The following CNOT9 variants were observed in gnomAD, a reference collection of about 807,000 sequenced individuals.
The protein encoded by CNOT9 is RCD1 required for cell differentiation1 homolog.
A neutral mutation model predicts 37.4 loss-of-function variants in CNOT9; 8 were observed. The ratio of observed to expected loss-of-function variants is 0.21; its 90% CI spans 0.13 to 0.39. The LOEUF (loss-of-function observed/expected upper bound fraction) is 0.39, where lower values mean the gene tolerates loss of function less well. Ranked by LOEUF, CNOT9 falls within the 10% of genes least tolerant of loss-of-function variation. The probability of loss-of-function intolerance (pLI) is 1.00; values close to 1 mark genes in which losing one functional copy is unlikely to be tolerated. For missense variants in CNOT9, 154 were observed against 365.3 expected (o/e 0.42, Z 4.71); for synonymous variants, 120 against 137.6 (o/e 0.87, Z 0.90).
chr2:218,574,944 C>T (rs993929434), intron 1 of CNOT9, among the ~76,000 whole-genome samples: 8 of 151,862 alleles, frequency 5.3e-5, no homozygotes, highest in African/African-American at 1.5e-4. Context: ...GCAAATTATA[C>T]GTCAAAGTTT....
chr2:218,592,922 T>C lies in CNOT9; in HGVS notation c.731+215T>C, dbSNP rs553919822. The C allele has an allele frequency of 1.8e-6, 1 of 561,292 alleles. No homozygotes were observed. The highest frequency in any genetic ancestry group is 1.9e-5 in the African/African-American group (1 of 53,072). The allele number at this position is 561,292 out of a possible 1,614,324, so 34.8% of individuals were successfully genotyped here. A position where few individuals can be genotyped will look rare whatever the true frequency, so the allele number is the denominator to read the frequency against. ...TTCTCACTGTAACTCTCCATCCTAC[T>C]GTGAAATTCCAGAGAGTCTAGGCGA... is the stretch of plus-strand genomic sequence containing the variant. On this transcript the variant is annotated intron_variant, in intron 7 of 7. Transcript: ENST00000273064. The surrounding 1 kb of genome is among the most constrained non-coding windows in gnomAD (Gnocchi z 4.1).
intron 2 of CNOT9, 93 bp downstream of exon 2, chr2:218,580,833 G>A: frequency 8.3e-7 from 1 of 1,201,628 alleles, no homozygotes; most frequent in Non-Finnish European, 1.2e-6. Flanking sequence ...ACTTTAGGAG[G>A]ATGATTCTTT....
chr2:218,569,144 G>A (rs889887883), intron 1 of CNOT9, among the ~76,000 whole-genome samples, 166 bp downstream of exon 1: 10 of 152,178 alleles, frequency 6.6e-5, no homozygotes, highest in African/African-American at 2.2e-4. Flanking sequence ...TGGTGGAGCC[G>A]GCCCCTATTT....
In CNOT9 at chr2:218,592,751, C is replaced by A; in HGVS notation, c.731+44C>A. ...TATAGGACTTTAGGGAAATACTCTG[C>A]TGAACAGTTTCCTAATCTCATGGCA... is the stretch of plus-strand genomic sequence containing the variant. On this transcript the variant is annotated intron_variant, in intron 7 of 7. Transcript: ENST00000273064. The surrounding 1 kb of genome is among the most constrained non-coding windows in gnomAD (Gnocchi z 4.1). The A allele has an allele frequency of 6.7e-7, 1 of 1,487,130 alleles. No homozygotes were observed. The highest frequency in any genetic ancestry group is 9.4e-7 in the Non-Finnish European group (1 of 1,064,448). The allele number at this position is 1,487,130 out of a possible 1,614,324, so 92.1% of individuals were successfully genotyped here. A position where few individuals can be genotyped will look rare whatever the true frequency, so the allele number is the denominator to read the frequency against.
chr2:218,572,593 C>T (rs1377074464), intron 1 of CNOT9: 4 of 707,550 alleles, frequency 5.7e-6, no homozygotes, highest in East Asian at 1.3e-4. Context: ...ATCATGCTAC[C>T]GCACTTCAGC....
At chr2:218,577,043 A>G (rs1694193258) in intron 1 of CNOT9, among the ~76,000 whole-genome samples, 3 of 152,060 alleles carry the variant, frequency 2.0e-5, no homozygotes, top group Non-Finnish European at 4.4e-5. Flanking sequence ...CAAAGCGGTT[A>G]AAAGTGTGGG....
At chr2:218,573,818 T>C (rs535045127) in intron 1 of CNOT9, 18 of 262,982 alleles carry the variant, frequency 6.8e-5, no homozygotes, top group South Asian at 5.8e-4. Context: ...TATGTTAAGC[T>C]TTCTTGGGGA....
rs485698 is a variant in CNOT9, at chr2:218,585,646, T to A, written c.430+925T>A. Among the ~76,000 whole-genome samples the A allele has an allele frequency of 1.4e-3, 206 of 147,780 alleles. 4 individuals carry two copies. The East Asian group carries it at 0.037, about 27-fold the overall frequency. Reference sequence around the variant, plus strand: ...AATTTATTTTTTATTTTATTTTTTTTTTTTTTTTTTGAGACAAGGTCTTGC... The same window carrying A: ...AATTTATTTTTTATTTTATTTTTTTATTTTTTTTTTGAGACAAGGTCTTGC... On this transcript the variant is annotated intron_variant, in intron 4 of 7. Transcript: ENST00000273064.
chr2:218,583,978 A>G (rs1010166035), intron 3 of CNOT9, among the ~76,000 whole-genome samples: 14 of 152,240 alleles, frequency 9.2e-5, no homozygotes, highest in African/African-American at 3.4e-4. Context: ...ATAGCAGGTA[A>G]GCCTGATAAT....
chr2:218,579,797 CATTT>C (rs202121171), intron 1 of CNOT9, among the ~76,000 whole-genome samples: 29 of 150,634 alleles, frequency 1.9e-4, no homozygotes, highest in East Asian at 7.9e-4. Context: ...CAGTTTTCTG[CATTT>C]ATTTATTTAT....
intron 1 of CNOT9, among the ~76,000 whole-genome samples, chr2:218,580,165 C>T (rs933582632): frequency 3.8e-4 from 58 of 152,096 alleles, no homozygotes; most frequent in African/African-American, 1.3e-3. Context: ...GACGGGGTTT[C>T]GCCATGTTGG....
At chr2:218,579,445 C>T (rs1694288606) in intron 1 of CNOT9, among the ~76,000 whole-genome samples, 1 of 152,090 alleles carries the variant, frequency 6.6e-6, no homozygotes, top group Admixed American at 6.5e-5. Flanking sequence ...TAAAGCTGCA[C>T]CAATATTTAA....
chr2:218,580,331 T>C (rs1694331675), intron 1 of CNOT9, among the ~76,000 whole-genome samples: 1 of 152,214 alleles, frequency 6.6e-6, no homozygotes, highest in African/African-American at 2.4e-5. Context: ...CACAGCCCAA[T>C]TATACCTACA....
intron 7 of CNOT9, chr2:218,593,743 T>G (rs1264173137): frequency 8.3e-7 from 1 of 1,206,794 alleles, no homozygotes; most frequent in Admixed American, 3.5e-5. Context: ...ATGATATCCT[T>G]GTTAATGTAC....
At chr2:218,593,927 A>G (rs936758782) in intron 7 of CNOT9, 181 bp from the exon 8 acceptor site, 2 of 963,126 alleles carry the variant, frequency 2.1e-6, no homozygotes, top group Non-Finnish European at 2.9e-6. Flanking sequence ...TTGTGGATAC[A>G]GATTTTGGAG....
intron 5 of CNOT9, among the ~76,000 whole-genome samples, chr2:218,591,544 C>T (rs752723618): frequency 6.6e-6 from 1 of 151,988 alleles, no homozygotes; most frequent in African/African-American, 2.4e-5. Flanking sequence ...GGAATTCAAG[C>T]CCAGCCTAGC....
chr2:218,588,996 A>AT (rs1173122476), intron 5 of CNOT9, among the ~76,000 whole-genome samples: 1 of 150,196 alleles, frequency 6.7e-6, no homozygotes, highest in Non-Finnish European at 1.5e-5. Context: ...TGTCTTTCAT[A>AT]TTTTTTTCTC....
At chr2:218,589,997 G>A (rs1694720681) in intron 5 of CNOT9, among the ~76,000 whole-genome samples, 1 of 151,930 alleles carries the variant, frequency 6.6e-6, no homozygotes, top group Non-Finnish European at 1.5e-5. Context: ...ACATTGACTG[G>A]GGAAAGGTAC....
chr2:218,579,559 T>C (rs1446135902), intron 1 of CNOT9, among the ~76,000 whole-genome samples: 3 of 152,204 alleles, frequency 2.0e-5, no homozygotes, highest in Admixed American at 2.0e-4. Flanking sequence ...CGATCTCGGC[T>C]CACTGCAACC....
Sources: allele counts gnomAD v4.1 joint callset (sites outside exome capture counted in the v4.1 genomes callset), GRCh38; gene constraint gnomAD v4.1.1; non-coding constraint Gnocchi (gnomAD v3.1); transcripts MANE v1.5; gene names NCBI Gene and HGNC (gene_info 2026-07-23, HGNC 2026-07-21).